The following ME1 variants were observed in gnomAD, a reference collection of about 807,000 sequenced individuals.
The protein encoded by ME1 is malic enzyme 1.
ME1 carries 74 observed loss-of-function variants against 66.4 expected under a neutral mutation model. That is an observed-to-expected ratio of 1.11 (90% CI 0.92 to 1.35). The LOEUF is 1.35. Among genes scored for constraint, ME1 ranks in the 40% most tolerant of loss-of-function variants. ME1 has a pLI of 0.00. For synonymous variants in ME1, 251 were observed against 235.6 expected, an observed-to-expected ratio of 1.07 and a Z score of -0.60; for missense variants, 750 against 694.1, an observed-to-expected ratio of 1.08 and a Z score of -0.90.
chr6:83,304,202 C>G (rs1175401642), intron 6 of ME1, among the ~76,000 whole-genome samples: 1 of 152,018 alleles, frequency 6.6e-6, no homozygotes, highest in Admixed American at 6.6e-5. Flanking sequence ...TCCAAGGTTA[C>G]AAATGTAGTA....
chr6:83,348,311 T>TTAACAGACAGTTTTATTTACTGC (rs1768725875), intron 4 of ME1, among the ~76,000 whole-genome samples: 1 of 152,232 alleles, frequency 6.6e-6, no homozygotes, highest in African/African-American at 2.4e-5. Context: ...TAATGTGTAT[T>TTAACAGACAGTTTTATTTACTGC]TAACAGACAG....
At chr6:83,218,600 G>A (rs1562449440) in intron 12 of ME1, among the ~76,000 whole-genome samples, 2 of 152,214 alleles carry the variant, frequency 1.3e-5, no homozygotes, top group African/African-American at 4.8e-5. Context: ...GGGACCTGAA[G>A]AAGTGTAAGG....
chr6:83,327,969 G>T (rs1263138695), intron 5 of ME1, among the ~76,000 whole-genome samples: 2 of 152,006 alleles, frequency 1.3e-5, no homozygotes, highest in Admixed American at 6.6e-5. Context: ...TTTGGGGCAG[G>T]TCCCCTGAAA....
chr6:83,301,689 T>C (rs1008889707), intron 6 of ME1, among the ~76,000 whole-genome samples: 2 of 152,036 alleles, frequency 1.3e-5, no homozygotes, highest in Non-Finnish European at 2.9e-5. Context: ...AACAAACATA[T>C]GAAAAAAGTT....
chr6:83,297,873 C>G (rs1767631489), intron 6 of ME1, among the ~76,000 whole-genome samples: 1 of 152,148 alleles, frequency 6.6e-6, no homozygotes, highest in Non-Finnish European at 1.5e-5. Flanking sequence ...TCATCCATGT[C>G]CCTGCAAAGG....
intron 7 of ME1, among the ~76,000 whole-genome samples, chr6:83,251,797 C>T (rs1423003273): frequency 6.6e-6 from 1 of 152,026 alleles, no homozygotes; most frequent in Admixed American, 6.6e-5. Context: ...GCATTTTGGG[C>T]CACATTCAGG....
At chr6:83,405,007 T>C (rs1359081578) in intron 2 of ME1, among the ~76,000 whole-genome samples, 1 of 152,220 alleles carries the variant, frequency 6.6e-6, no homozygotes, top group Non-Finnish European at 1.5e-5. Flanking sequence ...TTTGGTTCCA[T>C]ATGAAATTTA....
chr6:83,220,021 G>T (rs1790061159), intron 12 of ME1, among the ~76,000 whole-genome samples: 1 of 152,114 alleles, frequency 6.6e-6, no homozygotes, highest in Non-Finnish European at 1.5e-5. Flanking sequence ...GTTCTATAAC[G>T]AATCAACTTC....
intron 5 of ME1, among the ~76,000 whole-genome samples, chr6:83,316,317 A>C (rs1768028777): frequency 6.6e-6 from 1 of 152,174 alleles, no homozygotes; most frequent in South Asian, 2.1e-4. Context: ...TATAATATGT[A>C]ATATCACTTT....
intron 3 of ME1, among the ~76,000 whole-genome samples, chr6:83,376,420 G>A (rs1427768715): frequency 1.3e-5 from 2 of 151,538 alleles, no homozygotes; most frequent in African/African-American, 2.4e-5. Context: ...ACTTGAACCT[G>A]GGAGCTGGAG....
At chr6:83,400,218 A>G (rs1340413099) in intron 2 of ME1, among the ~76,000 whole-genome samples, 1 of 152,136 alleles carries the variant, frequency 6.6e-6, no homozygotes, top group Non-Finnish European at 1.5e-5. Context: ...TATTTGGATC[A>G]TGGGGGTGGA....
Position 83,352,263 on chromosome 6 carries a change from T to C in ME1, c.363-124A>G, listed in dbSNP as rs547546935. ...TTTATCTCAATTTTTATCAAACTGGTGGACATTATTTCCTTAAACAAATAA... is the reference window on the plus strand; with the variant it reads ...TTTATCTCAATTTTTATCAAACTGGCGGACATTATTTCCTTAAACAAATAA... On this transcript the variant is annotated intron_variant, in intron 3 of 13. Transcript: ENST00000369705. 1.3e-5 allele frequency: 7 copies of C among 525,196 alleles called. No homozygotes were observed. In the East Asian group the frequency reaches 2.3e-4, roughly 17 times the overall value. 32.5% of individuals were successfully genotyped at this position (525,196 alleles called of 1,614,324 possible). A position where few individuals can be genotyped will look rare whatever the true frequency, so the allele number is the denominator to read the frequency against.
intron 6 of ME1, among the ~76,000 whole-genome samples, chr6:83,260,126 C>T (rs1766857268): frequency 6.6e-6 from 1 of 150,508 alleles, no homozygotes; most frequent in Non-Finnish European, 1.5e-5. Context: ...ATTTATTTCT[C>T]TAAAAGCATC....
intron 5 of ME1, among the ~76,000 whole-genome samples, chr6:83,316,708 A>G (rs761935645): frequency 3.3e-5 from 5 of 152,132 alleles, no homozygotes; most frequent in Non-Finnish European, 7.4e-5. Flanking sequence ...AGAAAAAAAT[A>G]CATGAATTTA....
chr6:83,235,470 ATTTTTTTTT>A (rs10691116), intron 9 of ME1, among the ~76,000 whole-genome samples: 2 of 128,254 alleles, frequency 1.6e-5, no homozygotes, highest in African/African-American at 3.0e-5. Context: ...AGCAATAGCT[ATTTTTTTTT>A]TTTTTTTTTG....
At chr6:83,281,173 A>AAT (rs1767279909) in intron 6 of ME1, among the ~76,000 whole-genome samples, 1 of 152,196 alleles carries the variant, frequency 6.6e-6, no homozygotes, top group African/African-American at 2.4e-5. Flanking sequence ...AAGCTTTTCA[A>AAT]ATATATATGC....
chr6:83,324,179 G>A (rs1314417576), intron 5 of ME1, among the ~76,000 whole-genome samples: 1 of 151,864 alleles, frequency 6.6e-6, no homozygotes, highest in Admixed American at 6.6e-5. Context: ...CTGGGACACA[G>A]CTAAAGCAGT....
At chr6:83,425,555 G>A (rs554957995) in intron 1 of ME1, among the ~76,000 whole-genome samples, 28 of 152,116 alleles carry the variant, frequency 1.8e-4, no homozygotes, top group African/African-American at 6.5e-4. Flanking sequence ...ATCAGATCTC[G>A]TGAGAACTCA....
intron 6 of ME1, among the ~76,000 whole-genome samples, chr6:83,285,833 T>C (rs1192097209): frequency 1.3e-5 from 2 of 152,216 alleles, no homozygotes; most frequent in Non-Finnish European, 2.9e-5. Context: ...GTTTTGTCTT[T>C]TTTAGGGAAG....
Sources: gnomAD v4.1 joint callset for allele counts (sites outside exome capture counted in the v4.1 genomes callset) on GRCh38, gnomAD v4.1.1 for gene constraint, MANE v1.5 for transcripts, NCBI Gene and HGNC (gene_info 2026-07-23, HGNC 2026-07-21) for gene names.